Variants in PCLO observed in about 807,000 individuals in gnomAD.
PCLO encodes protein piccolo.
In PCLO, 82 loss-of-function variants were observed where a neutral mutation model predicts 427.5. The ratio of observed to expected loss-of-function variants is 0.19; its 90% confidence interval spans 0.16 to 0.23. The LOEUF (loss-of-function observed/expected upper bound fraction) is 0.23. Ranked by LOEUF, PCLO falls within the 10% of genes least tolerant of loss-of-function variation. The pLI, the probability that PCLO is intolerant of heterozygous loss-of-function variation, is 1.00. For synonymous variants in PCLO, 2,357 were observed against 2,155.4 expected (o/e 1.09, Z -2.59); for missense variants, 6,239 against 6,115.9 (o/e 1.02, Z -0.67).
At chr7:83,119,096 T>C (rs973690831) in intron 3 of PCLO, among the ~76,000 whole-genome samples, 2 of 152,150 alleles carry the variant, frequency 1.3e-5, no homozygotes, top group Non-Finnish European at 2.9e-5. Context: ...TCTGGACCCA[T>C]TCTGGGAACC....
rs192289513 is a variant in PCLO, at chr7:82,856,324, A to G, written c.13655-9077T>C. ...TGCTTTTTAAACATACTTAGTGTGAATAAGGGAATACAATTAGCCATGATT... is the reference window on the plus strand; with the variant it reads ...TGCTTTTTAAACATACTTAGTGTGAGTAAGGGAATACAATTAGCCATGATT... On this transcript the variant is annotated intron_variant, in intron 10 of 24. Transcript: ENST00000333891. Among the ~76,000 whole-genome samples the G allele has an allele frequency of 6.6e-5, 10 of 152,324 alleles. No individual in the cohort carries two copies. The East Asian group carries it at 1.9e-3, about 29-fold the overall frequency.
At chr7:82,883,232 T>TA (rs1793551519) in intron 9 of PCLO, among the ~76,000 whole-genome samples, 2 of 152,192 alleles carry the variant, frequency 1.3e-5, no homozygotes. Flanking sequence ...ATAATGCCTA[T>TA]AAAATACCAA....
chr7:83,023,516 C>T (rs375939887), intron 3 of PCLO, among the ~76,000 whole-genome samples: 8 of 152,074 alleles, frequency 5.3e-5, no homozygotes, highest in African/African-American at 1.7e-4. Context: ...CCATCAAATA[C>T]GACATAACTG....
intron 3 of PCLO, among the ~76,000 whole-genome samples, chr7:83,052,234 G>A (rs919387137): frequency 1.3e-5 from 2 of 151,820 alleles, no homozygotes; most frequent in Non-Finnish European, 1.5e-5. Flanking sequence ...ATTAATAGAG[G>A]AAATATGGCC....
chr7:82,831,341 T>C (rs989616393), intron 16 of PCLO, among the ~76,000 whole-genome samples: 32 of 152,146 alleles, frequency 2.1e-4, no homozygotes, highest in African/African-American at 6.0e-4. Flanking sequence ...AAATGTGACA[T>C]CCATCTATTT....
chr7:83,115,212 C>A (rs1316031447), intron 3 of PCLO, among the ~76,000 whole-genome samples: 1 of 151,982 alleles, frequency 6.6e-6, no homozygotes, highest in Non-Finnish European at 1.5e-5. Flanking sequence ...TAATTGGCTT[C>A]CCCTTGAAAG....
chr7:82,905,257 A>T (rs944122651), intron 8 of PCLO, among the ~76,000 whole-genome samples: 2 of 152,038 alleles, frequency 1.3e-5, no homozygotes, highest in Non-Finnish European at 2.9e-5. Flanking sequence ...TATTTCAAAG[A>T]GTTATTTTCA....
chr7:82,840,565 C>T (rs1240120001), intron 14 of PCLO, among the ~76,000 whole-genome samples: 1 of 152,032 alleles, frequency 6.6e-6, no homozygotes, highest in Non-Finnish European at 1.5e-5. Context: ...ACCTACTTCT[C>T]GAAGCTGATT....
At chr7:82,789,761 T>C (rs1791063085) in intron 22 of PCLO, among the ~76,000 whole-genome samples, 1 of 152,184 alleles carries the variant, frequency 6.6e-6, no homozygotes, top group Non-Finnish European at 1.5e-5. Context: ...AATTACTCTT[T>C]TAACTCATCT....
At chr7:82,971,444 A>T (rs188760318) in intron 3 of PCLO, among the ~76,000 whole-genome samples, 1 of 150,396 alleles carries the variant, frequency 6.6e-6, no homozygotes, top group Non-Finnish European at 1.5e-5. Context: ...GTGTGTATAC[A>T]TCTGTAATAC....
intron 13 of PCLO, among the ~76,000 whole-genome samples, chr7:82,844,122 T>A (rs548931518): frequency 2.0e-5 from 3 of 152,284 alleles, no homozygotes; most frequent in African/African-American, 7.2e-5. Context: ...TATGTTCAAA[T>A]TGTATTTTTA....
At chr7:83,153,205 A>G (rs1227109598) in intron 2 of PCLO, among the ~76,000 whole-genome samples, 1 of 150,022 alleles carries the variant, frequency 6.7e-6, no homozygotes, top group African/African-American at 2.4e-5. Context: ...TATATATTGT[A>G]TATATAAACA....
intron 6 of PCLO, among the ~76,000 whole-genome samples, chr7:82,926,986 T>C (rs1374783497): frequency 6.6e-6 from 1 of 152,208 alleles, no homozygotes; most frequent in African/African-American, 2.4e-5. Flanking sequence ...ATCCTGTTCA[T>C]ATGGTTCCTG....
Position 82,954,431 on chromosome 7 carries a change from T to C in PCLO, c.6522A>G (p.Thr2174=). Residue 2174 remains threonine (T), a synonymous_variant, in exon 5 of 25, where the codon ACA becomes ACG. Coordinates refer to ENST00000333891, the MANE Select transcript of PCLO (RefSeq NM_033026.6). The stretch of plus-strand genomic sequence containing the variant: ...AAGGTGTGTCAGAGGGTGGGACAGA[T>C]GTAGCACTTTCTGAAGGCTCCGAGT... The part of the protein sequence containing the change: ...LTYSEPSESA[T]SVPPSDTPSL... 1.2e-6 allele frequency: 2 copies of C among 1,613,978 alleles called. No homozygotes were observed. The highest frequency in any genetic ancestry group is 1.7e-6 in the Non-Finnish European group (2 of 1,179,846).
rs1339334003 is a variant in PCLO, at chr7:83,155,823, G to C, written c.818C>G (p.Pro273Arg). 6.2e-7 allele frequency: 1 copy of C among 1,613,890 alleles called. No homozygotes were observed. Among genetic ancestry groups the C allele is most frequent in the South Asian group, 1.1e-5 (1 of 91,076 alleles). The change falls in exon 2 of 25, where the codon CCA (proline) becomes CGA (arginine). Residue 273 changes from proline (P) to arginine (R), a missense_variant. Around this residue, in one of 5 missense-constraint regions of PCLO, gnomAD observed 4,677 missense variants for 4,468.4 expected, o/e 1.05. Transcript: ENST00000333891. ...QTPQTDHAKLPLQRDASRPQT... is the reference protein window; with the variant it reads ...QTPQTDHAKLRLQRDASRPQT... ...AGGCCTGGATGCATCTCGTTGAAGT[G>C]GCAATTTTGCATGGTCTGTCTGAGG... is the stretch of plus-strand genomic sequence containing the variant.
rs187107885 is a variant in PCLO at position 82,768,145 on chromosome 7, G to A, written c.15008-6652C>T. On this transcript the variant is annotated intron_variant, in intron 22 of 24. Coordinates refer to ENST00000333891, the MANE Select transcript of PCLO (RefSeq NM_033026.6). ...TAAAATTAAAACATAGTATTAGGCT[G>A]GGGACGGTGGCTCACACCTGTAATC... Among the ~76,000 whole-genome samples, 241 of 152,260 alleles carry A rather than the reference G, an allele frequency of 1.6e-3. 2 individuals are homozygous for A. The highest frequency in any genetic ancestry group is 3.4e-3 in the Middle Eastern group (1 of 294).
At chr7:83,056,933 T>C (rs1789393778) in intron 3 of PCLO, among the ~76,000 whole-genome samples, 1 of 152,170 alleles carries the variant, frequency 6.6e-6, no homozygotes, top group East Asian at 1.9e-4. Context: ...GCAAATAGTA[T>C]GGCTAATATT....
chr7:83,025,910 A>AT (rs1788481804), intron 3 of PCLO, among the ~76,000 whole-genome samples: 1 of 152,082 alleles, frequency 6.6e-6, no homozygotes, highest in Non-Finnish European at 1.5e-5. Context: ...ATGCTGAGAG[A>AT]TTTTGTCACC....
intron 4 of PCLO, among the ~76,000 whole-genome samples, chr7:82,958,294 CTCCTTCCTTCTTCCTTCCTTCATCCT>C (rs1454883560): frequency 1.3e-5 from 2 of 150,860 alleles, no homozygotes; most frequent in Non-Finnish European, 3.0e-5. Context: ...TCCTTCCTTC[CTCCTTCCTTCTTCCTTCCTTCATCCT>C]TCCTTCCTTC....
Sources: gnomAD v4.1 joint callset for allele counts (sites outside exome capture counted in the v4.1 genomes callset) on GRCh38, gnomAD v4.1.1 for gene constraint, gnomAD v4.1.1 regional missense constraint, MANE v1.5 for transcripts, NCBI Gene and HGNC (gene_info 2026-07-23, HGNC 2026-07-21) for gene names.